Variants in PHEX observed in about 807,000 individuals in gnomAD.
The protein encoded by PHEX is phosphate-regulating neutral endopeptidase PHEX.
Under a neutral mutation model 68.0 loss-of-function variants are expected in PHEX, and 16 were observed. That is an observed-to-expected ratio of 0.24 (90% confidence interval 0.16 to 0.36). The LOEUF (loss-of-function observed/expected upper bound fraction) is 0.36. PHEX is among the 10% of genes least tolerant of loss of function. The probability of loss-of-function intolerance (pLI) is 1.00; values close to 1 mark genes in which losing one functional copy is unlikely to be tolerated. For missense variants in PHEX, 480 were observed against 575.5 expected, an observed-to-expected ratio of 0.83 and a Z score of 1.70; for synonymous variants, 208 against 205.1, an observed-to-expected ratio of 1.01 and a Z score of -0.12.
Position 22,049,927 on chromosome X carries a change from T to C in PHEX, c.349+2716T>C, listed in dbSNP as rs751275239. 3.5e-5 allele frequency among the ~76,000 whole-genome samples: 4 copies of C among 112,725 alleles called. No homozygotes were observed. The South Asian group carries it at 1.1e-3, about 31-fold the overall frequency. On this transcript the variant is annotated intron_variant, in intron 3 of 21. Transcript: ENST00000379374. ...TTTGATGTTTTAAAGGATAACTTTT[T>C]CCCATCAACTGCTTTCTGTGGTATA...
rs780959710 is a variant in PHEX, at chrX:22,219,057, A to G, written c.1722A>G (p.Ile574Met). Reference sequence around the variant, plus strand: ...ATAGATCTCTGAGTTATGGTGCTATAGGAGTAATTGTCGGACATGAATTTA... The same window carrying G: ...ATAGATCTCTGAGTTATGGTGCTATGGGAGTAATTGTCGGACATGAATTTA... ...EYPRSLSYGA[I>M]GVIVGHEFTH... Residue 574 changes from isoleucine (I) to methionine (M), a missense_variant, in exon 17 of 22, where the codon ATA (isoleucine) becomes ATG (methionine). By Grantham distance (10) the Ile-to-Met change is conservative. Coordinates refer to ENST00000379374, the MANE Select transcript of PHEX (RefSeq NM_000444.6). The G allele has an allele frequency of 8.4e-7, 1 of 1,184,006 alleles. No individual in the cohort carries two copies. Among genetic ancestry groups the G allele is most frequent in the African/African-American group, 1.7e-5 (1 of 57,434 alleles).
chrX:22,113,995 G>A (rs1292781151), intron 10 of PHEX, among the ~76,000 whole-genome samples: 3 of 91,774 alleles, frequency 3.3e-5, no homozygotes, highest in Non-Finnish European at 6.3e-5. Flanking sequence ...TATTGCCCAG[G>A]CTGGAGTGCA....
At chrX:22,126,675 C>CA (rs1206779925) in intron 11 of PHEX, among the ~76,000 whole-genome samples, 1 of 110,387 alleles carries the variant, frequency 9.1e-6, no homozygotes, top group Non-Finnish European at 1.9e-5. Context: ...AGTGCCTATG[C>CA]ATATGTGACT....
intron 12 of PHEX, chrX:22,162,747 C>G (rs1933178615): frequency 9.0e-6 from 1 of 111,667 alleles, no homozygotes; most frequent in African/African-American, 3.3e-5. Context: ...CAAATAAGGG[C>G]TTTATTTTCT....
At chrX:22,186,942 G>A (rs953130263) in intron 14 of PHEX, among the ~76,000 whole-genome samples, 9 of 111,823 alleles carry the variant, frequency 8.0e-5, no homozygotes, top group Admixed American at 3.8e-4. Context: ...AGGAATACAC[G>A]TTATCTTTTG....
chrX:22,232,848 C>T (rs768546120), intron 20 of PHEX, among the ~76,000 whole-genome samples: 1 of 109,386 alleles, frequency 9.1e-6, no homozygotes, highest in East Asian at 2.9e-4. Flanking sequence ...TATGCTGCTA[C>T]CTGGATATTT....
At chrX:22,169,454 T>A (rs949784465) in intron 13 of PHEX, among the ~76,000 whole-genome samples, 2 of 112,378 alleles carry the variant, frequency 1.8e-5, no homozygotes, top group Non-Finnish European at 3.8e-5. Flanking sequence ...TTTAATTCCT[T>A]CAGTGATTCT....
intron 2 of PHEX, among the ~76,000 whole-genome samples, chrX:22,042,393 T>C (rs1927326521): frequency 8.9e-6 from 1 of 112,454 alleles, no homozygotes; most frequent in South Asian, 3.7e-4. Flanking sequence ...ACAAGCCACA[T>C]GATCCTGGGC....
chrX:22,101,611 T>A (rs1930430251), intron 9 of PHEX, among the ~76,000 whole-genome samples: 2 of 111,418 alleles, frequency 1.8e-5, no homozygotes, highest in South Asian at 7.7e-4. Flanking sequence ...TGCCCTCCCT[T>A]GGATGTTTGG....
At chrX:22,244,605 CCAAA>C (rs769084090) in intron 20 of PHEX, among the ~76,000 whole-genome samples, 7 of 110,513 alleles carry the variant, frequency 6.3e-5, no homozygotes, top group Non-Finnish European at 1.1e-4. Context: ...CCATGTCAAA[CCAAA>C]CAAACAAACA....
intron 2 of PHEX, among the ~76,000 whole-genome samples, chrX:22,044,214 G>A (rs987680954): frequency 2.7e-5 from 3 of 110,525 alleles, no homozygotes; most frequent in Middle Eastern, 4.2e-3. Flanking sequence ...GGAAAACAGT[G>A]TACTCATGTG....
chrX:22,179,897 AT>A (rs905040909), intron 14 of PHEX, among the ~76,000 whole-genome samples: 6 of 108,482 alleles, frequency 5.5e-5, no homozygotes, highest in South Asian at 3.9e-4. Context: ...AAATTAATTA[AT>A]TTTTTTTTAC....
intron 12 of PHEX, among the ~76,000 whole-genome samples, chrX:22,166,991 T>C (rs937208495): frequency 2.7e-5 from 3 of 112,330 alleles, no homozygotes; most frequent in Admixed American, 1.9e-4. Context: ...ATTGTGTATA[T>C]ATACTACATT....
Position 22,226,295 on chromosome X carries a change from A to ATATT in PHEX, c.1900-147_1900-144dup, listed in dbSNP as rs780962293. 1.3e-4 allele frequency: 63 copies of ATATT among 481,927 alleles called. 1 individual carries two copies. In the African/African-American group the frequency reaches 1.5e-3, roughly 11 times the overall value. The allele number at this position is 481,927 out of a possible 1,213,427, so 39.7% of individuals were successfully genotyped here. On this transcript the variant is annotated intron_variant, in intron 18 of 21. Coordinates refer to ENST00000379374, the MANE Select transcript of PHEX (RefSeq NM_000444.6). Reference sequence around the variant, plus strand: ...GATAGTTTGCCATCTTTCTTACAATATATTATGCCTACCTCTGATTTATTG... The same window carrying ATATT: ...GATAGTTTGCCATCTTTCTTACAATATATTTATTATGCCTACCTCTGATTTATTG...
At chrX:22,246,878 G>C (rs1341360573) in intron 21 of PHEX, among the ~76,000 whole-genome samples, 1 of 112,091 alleles carries the variant, frequency 8.9e-6, no homozygotes, top group African/African-American at 3.2e-5. Flanking sequence ...TGAGTCTCTA[G>C]TCAACCCTTT....
At chrX:22,232,739 T>C (rs771907966) in intron 20 of PHEX, among the ~76,000 whole-genome samples, 13 of 109,029 alleles carry the variant, frequency 1.2e-4, no homozygotes, top group African/African-American at 4.0e-4. Flanking sequence ...TGATAGTTCT[T>C]GACTCTATCC....
intron 12 of PHEX, among the ~76,000 whole-genome samples, chrX:22,137,673 G>A (rs1429577107): frequency 9.0e-6 from 1 of 111,262 alleles, no homozygotes; most frequent in Admixed American, 9.5e-5. Flanking sequence ...ACTCATTAGA[G>A]ATGCAAATTT....
At chrX:22,174,843 TAA>T (rs1006300332) in intron 13 of PHEX, among the ~76,000 whole-genome samples, 5 of 112,326 alleles carry the variant, frequency 4.5e-5, no homozygotes, top group African/African-American at 9.7e-5. Flanking sequence ...GTATTTCAAG[TAA>T]GTTGTATCAT....
At chrX:22,200,903 T>C (rs770381775) in intron 15 of PHEX, among the ~76,000 whole-genome samples, 1 of 111,317 alleles carries the variant, frequency 9.0e-6, no homozygotes, top group South Asian at 3.9e-4. Flanking sequence ...TATTGCCTCT[T>C]CTAACGATGC....
Sources: allele counts gnomAD v4.1 joint callset (sites outside exome capture counted in the v4.1 genomes callset), GRCh38; gene constraint gnomAD v4.1.1; transcripts MANE v1.5; gene names NCBI Gene and HGNC (gene_info 2026-07-23, HGNC 2026-07-21).